The following C11orf65 variants were observed in gnomAD, a reference collection of about 807,000 sequenced individuals.
C11orf65 encodes protein MFI.
A neutral mutation model predicts 35.3 loss-of-function variants in C11orf65; 38 were observed. That is an observed-to-expected ratio of 1.08 (90% confidence interval 0.83 to 1.41). C11orf65 has a LOEUF of 1.41. Ranked by LOEUF, C11orf65 falls within the 40% of genes most tolerant of loss-of-function variation. The pLI, the probability that C11orf65 is intolerant of heterozygous loss-of-function variation, is 0.00. For missense variants in C11orf65, 370 were observed against 367.1 expected (o/e 1.01, Z -0.06); for synonymous variants, 105 against 114.4 (o/e 0.92, Z 0.53).
Position 108,406,844 on chromosome 11 carries a change from T to C in C11orf65, c.348A>G (p.Lys116=). The C allele has an allele frequency of 6.2e-7, 1 of 1,613,330 alleles. No homozygotes were observed. The highest frequency in any genetic ancestry group is 8.5e-7 in the Non-Finnish European group (1 of 1,179,512). The change falls in exon 5 of 9, where the codon AAA becomes AAG. Residue 116 remains lysine (K), a synonymous_variant. Transcript: ENST00000393084. Reference sequence around the variant, plus strand: ...GATCCTCTTCCTGAAGATGATCATTTTTATTATGAGATGTATGCTTTGCTG... The same window carrying C: ...GATCCTCTTCCTGAAGATGATCATTCTTATTATGAGATGTATGCTTTGCTG... ...KLPAKHTSHN[K]NDHLQEEDHS...
intron 2 of C11orf65, among the ~76,000 whole-genome samples, chr11:108,458,930 C>G (rs1025525336): frequency 6.6e-5 from 10 of 152,134 alleles, no homozygotes; most frequent in African/African-American, 2.2e-4. Context: ...CCTTGGTTGT[C>G]CATTAATACT....
chr11:108,325,199 G>A, intron 6 of C11orf65: 1 of 746,100 alleles, frequency 1.3e-6, no homozygotes, highest in Non-Finnish European at 2.1e-6. Context: ...CACTACAAAA[G>A]TTCCTTTGTA....
At chr11:108,411,595 A>C (rs2092657714) in intron 3 of C11orf65, among the ~76,000 whole-genome samples, 1 of 152,156 alleles carries the variant, frequency 6.6e-6, no homozygotes, top group Admixed American at 6.6e-5. Flanking sequence ...AAAATCTTCG[A>C]CTATGCTTGA....
At position 108,406,455 on chromosome 11, in the gene C11orf65, T is replaced by C. The variant is rs571764294; in HGVS notation, c.429+308A>G. Among the ~76,000 whole-genome samples, 18 of 152,316 alleles carry C rather than the reference T, an allele frequency of 1.2e-4. No homozygotes were observed. The South Asian group carries it at 3.5e-3, about 30-fold the overall frequency. On this transcript the variant is annotated intron_variant, in intron 5 of 8. Transcript: ENST00000393084. ...AGAGCCTGGTCATACTTAGTGTTAA[T>C]ATATTCAACATACCAAATTCTACAA...
intron 6 of C11orf65, chr11:108,315,707 T>A: frequency 1.3e-6 from 1 of 756,214 alleles, no homozygotes; most frequent in Non-Finnish European, 2.3e-6. Flanking sequence ...TTTATTTCTA[T>A]AACATAACAT....
At position 108,382,985 on chromosome 11, in the gene C11orf65, T is replaced by C; in HGVS notation, c.*36A>G. The C allele has an allele frequency of 1.2e-6, 2 of 1,607,758 alleles. No individual in the cohort carries two copies. The highest frequency in any genetic ancestry group is 1.7e-6 in the Non-Finnish European group (2 of 1,177,960). On this transcript the variant is annotated 3_prime_UTR_variant, in exon 9 of 9. Transcript: ENST00000393084. ...TGGCTATAACTGATGGATGGAAGGC[T>C]CAAAGGGCTATAACTCAGAATAGAA...
intron 2 of C11orf65, among the ~76,000 whole-genome samples, chr11:108,377,449 C>G (rs1261877108): frequency 6.6e-6 from 1 of 152,164 alleles, no homozygotes; most frequent in East Asian, 1.9e-4. Flanking sequence ...GCTAAAAACT[C>G]TCAATAAATT....
intron 3 of C11orf65, among the ~76,000 whole-genome samples, chr11:108,428,812 A>C (rs543507900): frequency 6.6e-6 from 1 of 152,324 alleles, no homozygotes; most frequent in African/African-American, 2.4e-5. Flanking sequence ...AAAGTATTAA[A>C]AAACAAACAA....
chr11:108,386,748 G>T (rs2092009406), intron 7 of C11orf65, among the ~76,000 whole-genome samples: 1 of 152,156 alleles, frequency 6.6e-6, no homozygotes. Flanking sequence ...TACAGTAGGT[G>T]CTAAAAGGGA....
intron 6 of C11orf65, among the ~76,000 whole-genome samples, chr11:108,402,332 A>C (rs1240833343): frequency 2.6e-5 from 4 of 152,174 alleles, no homozygotes; most frequent in African/African-American, 4.8e-5. Context: ...ATGTTTGCCC[A>C]AATGTCCTAA....
chr11:108,460,827 G>C (rs1484827238), intron 2 of C11orf65, among the ~76,000 whole-genome samples: 1 of 152,090 alleles, frequency 6.6e-6, no homozygotes, highest in Non-Finnish European at 1.5e-5. Flanking sequence ...CCAAGTTCAA[G>C]TGATTCTTCT....
At position 108,427,593 on chromosome 11, in the gene C11orf65, G is replaced by A. The variant is rs367614823; in HGVS notation, c.174+4153C>T. Among the ~76,000 whole-genome samples the A allele has an allele frequency of 1.7e-4, 25 of 148,926 alleles. No homozygotes were observed. In the East Asian group the frequency reaches 3.2e-3, roughly 19 times the overall value. ...AAAAATTAGCCGGGCATGGTGGCGC[G>A]CGTCTGTAGTCCCAGCTACACGGGA... On this transcript the variant is annotated intron_variant, in intron 3 of 8. Coordinates refer to ENST00000393084, the MANE Select transcript of C11orf65 (RefSeq NM_152587.5).
chr11:108,343,558 C>T (rs1387030641), intron 2 of C11orf65, among the ~76,000 whole-genome samples: 3 of 152,190 alleles, frequency 2.0e-5, no homozygotes, highest in Non-Finnish European at 4.4e-5. Context: ...TTTTAAACTA[C>T]ATAATATGTC....
At chr11:108,419,912 T>C (rs879749904) in intron 3 of C11orf65, among the ~76,000 whole-genome samples, 1 of 152,114 alleles carries the variant, frequency 6.6e-6, no homozygotes, top group Non-Finnish European at 1.5e-5. Context: ...CAGTGTATAA[T>C]GGCAAGAAAA....
downstream of C11orf65, among the ~76,000 whole-genome samples, chr11:108,378,050 T>C (rs1288173138): frequency 1.3e-5 from 2 of 151,182 alleles, no homozygotes; most frequent in Non-Finnish European, 3.0e-5. Flanking sequence ...AAAATGGCCA[T>C]ACTGCCCAAG....
In C11orf65 at chr11:108,425,484, C is replaced by T. The variant is rs1409832618; in HGVS notation, c.174+6262G>A. Among the ~76,000 whole-genome samples the T allele has an allele frequency of 3.3e-5, 5 of 152,264 alleles. No homozygotes were observed. In the East Asian group the frequency reaches 9.6e-4, roughly 29 times the overall value. ...ATCCCTGATAGACCAATAACAAGTT[C>T]TGAAATTGAGGCAGTAATTAATAGG... On this transcript the variant is annotated intron_variant, in intron 3 of 8. Transcript: ENST00000393084.
At chr11:108,400,380 T>C (rs1024661232) in intron 6 of C11orf65, among the ~76,000 whole-genome samples, 1 of 152,206 alleles carries the variant, frequency 6.6e-6, no homozygotes. Flanking sequence ...GGAGCTGTTA[T>C]TTTCTGCTCA....
chr11:108,356,665 G>A (rs12277464), intron 2 of C11orf65, among the ~76,000 whole-genome samples: 4 of 151,920 alleles, frequency 2.6e-5, no homozygotes, highest in African/African-American at 9.7e-5. Flanking sequence ...AGGTGGATTT[G>A]GGAGTTTCTT....
intron 3 of C11orf65, among the ~76,000 whole-genome samples, chr11:108,410,597 T>C (rs2092636206): frequency 6.6e-6 from 1 of 152,130 alleles, no homozygotes; most frequent in African/African-American, 2.4e-5. Context: ...TCAAGTGATC[T>C]GTGCACCTTG....
Sources: gnomAD v4.1 joint callset for allele counts (sites outside exome capture counted in the v4.1 genomes callset) on GRCh38, gnomAD v4.1.1 for gene constraint, MANE v1.5 for transcripts, NCBI Gene and HGNC (gene_info 2026-07-23, HGNC 2026-07-21) for gene names.